The following NEBL variants were observed in gnomAD, a reference collection of about 807,000 sequenced individuals.
NEBL encodes the protein nebulette.
Under a neutral mutation model 140.2 loss-of-function variants are expected in NEBL, and 122 were observed. That is an observed-to-expected ratio of 0.87 (90% CI 0.75 to 1.01). The LOEUF (loss-of-function observed/expected upper bound fraction) is 1.01. NEBL is among the 50% of genes least tolerant of loss of function. The pLI, the probability that NEBL is intolerant of heterozygous loss-of-function variation, is 0.00. For missense variants in NEBL, 1,365 were observed against 1,231.3 expected (o/e 1.11, Z -1.62); for synonymous variants, 436 against 398.9 (o/e 1.09, Z -1.11).
At chr10:21,171,266 T>C (rs1589309900) in intron 2 of NEBL, among the ~76,000 whole-genome samples, 1 of 139,812 alleles carries the variant, frequency 7.2e-6, no homozygotes, top group Admixed American at 7.7e-5. Context: ...ACCTGGGAGG[T>C]GGTGGTTGCA....
Position 20,819,293 on chromosome 10 carries a change from CATT to C in NEBL, c.2055+128_2055+130del, listed in dbSNP as rs1217404487. ...CCATGTATTCTCATCATTTAGCTCT[CATT>C]ATTATGCAGTATTTGGTTTTACGTT... On this transcript the variant is annotated intron_variant, in intron 20 of 27. Transcript: ENST00000377122. The C allele has an allele frequency of 6.3e-6, 9 of 1,418,972 alleles. No homozygotes were observed. The Admixed American group carries it at 1.6e-4, about 25-fold the overall frequency. The allele number at this position is 1,418,972 out of a possible 1,614,324, so 87.9% of individuals were successfully genotyped here. A position where few individuals can be genotyped will look rare whatever the true frequency, so the allele number is the denominator to read the frequency against.
rs775443359 is a variant in NEBL, at chr10:20,831,249, T to C, written c.1618A>G (p.Met540Val). The C allele has an allele frequency of 1.3e-5, 21 of 1,613,654 alleles. No individual in the cohort carries two copies. Among genetic ancestry groups the C allele is most frequent in the East Asian group, 2.2e-5 (1 of 44,880 alleles). The change falls in exon 16 of 28, where the codon ATG (methionine) becomes GTG (valine). Residue 540 changes from methionine (M) to valine (V), a missense_variant. By Grantham distance (21) the Met-to-Val change is conservative. Transcript: ENST00000377122. The stretch of plus-strand genomic sequence containing the variant: ...GCTCGAAGGATATCTGGGATATCCA[T>C]GCTCACTTGCATTCCTTTCCCTTTA... ...EIKGKGMQVS[M>V]DIPDILRAKR... is the part of the protein sequence containing the mutation.
At chr10:20,881,983 T>C (rs1342373677) in intron 4 of NEBL, among the ~76,000 whole-genome samples, 1 of 152,120 alleles carries the variant, frequency 6.6e-6, no homozygotes, top group Non-Finnish European at 1.5e-5. Flanking sequence ...GGAGAGAGAC[T>C]TGCTCACGAC....
intron 26 of NEBL, among the ~76,000 whole-genome samples, chr10:20,801,223 T>A (rs1837091897): frequency 6.6e-6 from 1 of 151,898 alleles, no homozygotes; most frequent in Admixed American, 6.6e-5. Flanking sequence ...TATTTTTTAT[T>A]TTCTTTTGAG....
chr10:21,121,451 C>A (rs1425550982), intron 2 of NEBL, among the ~76,000 whole-genome samples: 2 of 152,110 alleles, frequency 1.3e-5, no homozygotes, highest in African/African-American at 2.4e-5. Context: ...TTCATGAATA[C>A]CCTGCCACCC....
chr10:21,204,627 G>C (rs998545726), intron 3 of NEBL, among the ~76,000 whole-genome samples: 1 of 152,180 alleles, frequency 6.6e-6, no homozygotes, highest in African/African-American at 2.4e-5. Context: ...AGGCTTCCAG[G>C]CTGTGGGATT....
chr10:21,204,265 C>T (rs924154356), intron 3 of NEBL, among the ~76,000 whole-genome samples: 6 of 152,130 alleles, frequency 3.9e-5, no homozygotes, highest in Non-Finnish European at 7.4e-5. Context: ...ATGGACTGAA[C>T]ATATTTGTCC....
intron 4 of NEBL, among the ~76,000 whole-genome samples, chr10:20,959,808 A>C (rs765981575): frequency 1.3e-5 from 2 of 152,046 alleles, no homozygotes; most frequent in Non-Finnish European, 2.9e-5. Context: ...ATGTTGTCTA[A>C]GTTACATGCT....
intron 4 of NEBL, among the ~76,000 whole-genome samples, chr10:20,949,923 C>G (rs965369344): frequency 1.3e-5 from 2 of 152,166 alleles, no homozygotes; most frequent in African/African-American, 4.8e-5. Context: ...TATTATTAAA[C>G]AAAGATTATA....
chr10:21,114,008 G>C (rs1411803023), intron 2 of NEBL, among the ~76,000 whole-genome samples: 1 of 151,742 alleles, frequency 6.6e-6, no homozygotes, highest in Non-Finnish European at 1.5e-5. Context: ...TTAAGTCATT[G>C]GTTTTAGAAC....
At chr10:21,027,684 G>A (rs937956480) in intron 2 of NEBL, among the ~76,000 whole-genome samples, 30 of 152,038 alleles carry the variant, frequency 2.0e-4, no homozygotes, top group African/African-American at 7.0e-4. Flanking sequence ...TCATGAAACT[G>A]GCTTTTTAGC....
intron 13 of NEBL, among the ~76,000 whole-genome samples, chr10:20,837,519 T>C (rs982114964): frequency 2.6e-5 from 4 of 151,880 alleles, no homozygotes; most frequent in Non-Finnish European, 5.9e-5. Flanking sequence ...CTCCATCATA[T>C]GAAAGTGCAA....
At chr10:20,929,316 C>G (rs373676904) in intron 4 of NEBL, among the ~76,000 whole-genome samples, 66 of 151,912 alleles carry the variant, frequency 4.3e-4, no homozygotes, top group African/African-American at 1.5e-3. Context: ...TAGACTTATT[C>G]ACAGCTATTA....
At position 21,173,915 on chromosome 10, in the gene NEBL, C is replaced by A. The variant is rs1320545485; in HGVS notation, c.-82G>T. The A allele has an allele frequency of 1.3e-6, 2 of 1,536,602 alleles. No homozygotes were observed. The highest frequency in any genetic ancestry group is 1.7e-6 in the Non-Finnish European group (2 of 1,149,468). ...TGACATCCCCCGGCGAGCCCCGCAC[C>A]GCCTCCTGGCAGGCGGGAGGGCTGC... On this transcript the variant is annotated 5_prime_UTR_variant, in exon 1 of 7. Transcript: ENST00000417816. The surrounding 1 kb of genome is among the most constrained non-coding windows in gnomAD (Gnocchi z 5.7).
intron 4 of NEBL, among the ~76,000 whole-genome samples, chr10:20,904,799 G>T (rs1336107800): frequency 1.1e-4 from 16 of 152,320 alleles, no homozygotes; most frequent in South Asian, 2.1e-4. Flanking sequence ...TTGAATATGA[G>T]AGTGGATTTA....
chr10:21,141,212 C>T (rs971048952), intron 2 of NEBL, among the ~76,000 whole-genome samples: 2 of 152,126 alleles, frequency 1.3e-5, no homozygotes, highest in Non-Finnish European at 2.9e-5. Context: ...ATTATTGTTT[C>T]ATTTAGTGAA....
At chr10:20,980,051 CAAA>C (rs61096067) in intron 3 of NEBL, among the ~76,000 whole-genome samples, 9 of 121,412 alleles carry the variant, frequency 7.4e-5, no homozygotes, top group African/African-American at 1.9e-4. Flanking sequence ...CTCATTTCCA[CAAA>C]AAAAAAAAAA....
intron 10 of NEBL, among the ~76,000 whole-genome samples, chr10:20,851,053 T>A (rs936049372): frequency 6.6e-6 from 1 of 152,178 alleles, no homozygotes; most frequent in Non-Finnish European, 1.5e-5. Flanking sequence ...ATATTTAATA[T>A]CATATTATGA....
intron 22 of NEBL, among the ~76,000 whole-genome samples, 190 bp downstream of exon 22, chr10:20,815,435 G>A (rs1370341259): frequency 6.6e-6 from 1 of 152,308 alleles, no homozygotes; most frequent in Non-Finnish European, 1.5e-5. Context: ...AAATAACAAA[G>A]AGTTGCAAAA....
Sources: gnomAD v4.1 joint callset for allele counts (sites outside exome capture counted in the v4.1 genomes callset) on GRCh38, gnomAD v4.1.1 for gene constraint, Gnocchi (gnomAD v3.1) non-coding constraint, MANE v1.5 for transcripts, NCBI Gene and HGNC (gene_info 2026-07-23, HGNC 2026-07-21) for gene names.